INSL6: variants seen among roughly 807,000 people sequenced by gnomAD.
INSL6 encodes insulin like 6.
INSL6 carries 16 observed loss-of-function variants against 9.4 expected under a neutral mutation model. That is an observed-to-expected ratio of 1.70 (90% confidence interval 1.15 to 2.59). The LOEUF (loss-of-function observed/expected upper bound fraction) is 2.59. Ranked by LOEUF, INSL6 falls within the 30% of genes most tolerant of loss-of-function variation. The probability of loss-of-function intolerance (pLI) is 0.00; values close to 1 mark genes in which losing one functional copy is unlikely to be tolerated. For synonymous variants in INSL6, 154 were observed against 96.9 expected (o/e 1.59, Z -3.46); for missense variants, 391 against 257.3 (o/e 1.52, Z -3.56).
intron 2 of INSL6, among the ~76,000 whole-genome samples, chr9:5,138,752 T>C (rs901403897): frequency 1.1e-4 from 17 of 152,014 alleles, no homozygotes; most frequent in Non-Finnish European, 2.2e-4. Context: ...ATAAAAGTAC[T>C]GAATCCCACT....
chr9:5,073,092 A>T, the INSL6 span, among the ~76,000 whole-genome samples: 1 of 152,228 alleles, frequency 6.6e-6, no homozygotes, highest in Non-Finnish European at 1.5e-5. Context: ...GAACATAGCA[A>T]GATATGATAC....
chr9:5,044,301 A>T, the INSL6 span: 3 of 721,596 alleles, frequency 4.2e-6, no homozygotes, highest in Non-Finnish European at 7.2e-6. Flanking sequence ...TTTTCTAAGT[A>T]TGGGATAATA....
the INSL6 span, among the ~76,000 whole-genome samples, chr9:5,113,255 TAC>T: frequency 8.1e-6 from 1 of 124,018 alleles, no homozygotes; most frequent in African/African-American, 3.0e-5. Context: ...CAACAAAACA[TAC>T]ACTTTGTCAG....
At chr9:5,029,293 T>G in the INSL6 span, among the ~76,000 whole-genome samples, 1 of 152,174 alleles carries the variant, frequency 6.6e-6, no homozygotes, top group East Asian at 1.9e-4. Context: ...ACACAGCATT[T>G]GTTGCTTATG....
At chr9:5,034,904 C>G in the INSL6 span, among the ~76,000 whole-genome samples, 733 of 152,056 alleles carry the variant, frequency 4.8e-3, 8 homozygotes, top group African/African-American at 0.017. Flanking sequence ...AACTGAAGGA[C>G]ATAGAGAGAC....
chr9:5,085,821 C>T, the INSL6 span: 2 of 758,920 alleles, frequency 2.6e-6, no homozygotes, highest in Non-Finnish European at 4.9e-6. Context: ...AATAATTGAT[C>T]GAAAGGCTTT....
Position 5,163,882 on chromosome 9 carries a change from T to C in INSL6, c.*31A>G, listed in dbSNP as rs1372643207. 1 of 1,375,506 alleles carries C rather than the reference T, an allele frequency of 7.3e-7. No individual in the cohort carries two copies. Among genetic ancestry groups the C allele is most frequent in the Non-Finnish European group, 1.0e-6 (1 of 981,862 alleles). 85.2% of individuals were successfully genotyped at this position (1,375,506 alleles called of 1,614,324 possible). On this transcript the variant is annotated 3_prime_UTR_variant, in exon 2 of 2. Transcript: ENST00000381641. The stretch of plus-strand genomic sequence containing the variant: ...ATAGAGTTAAATAAATGTATTAAGC[T>C]TTTATTAGGTTAGAAAAAATTCTAA...
At chr9:5,096,174 C>A in the INSL6 span, among the ~76,000 whole-genome samples, 4 of 152,214 alleles carry the variant, frequency 2.6e-5, no homozygotes, top group East Asian at 7.7e-4. Flanking sequence ...AATGACAATT[C>A]AAAAACACAA....
At chr9:5,074,224 T>C in the INSL6 span, among the ~76,000 whole-genome samples, 1 of 152,146 alleles carries the variant, frequency 6.6e-6, no homozygotes, top group Non-Finnish European at 1.5e-5. Context: ...TTTGGCTAAA[T>C]TTAGGTGTTC....
chr9:5,136,030 T>G (rs563181898), intron 2 of INSL6, among the ~76,000 whole-genome samples: 1 of 151,826 alleles, frequency 6.6e-6, no homozygotes, highest in Non-Finnish European at 1.5e-5. Context: ...CTAGAAGAAA[T>G]AGATAAATTC....
At chr9:5,064,752 G>A in the INSL6 span, 12 of 580,226 alleles carry the variant, frequency 2.1e-5, no homozygotes, top group East Asian at 3.5e-4. Context: ...TTCATATTGA[G>A]TACTGAGCCA....
downstream of INSL6, among the ~76,000 whole-genome samples, chr9:5,122,278 G>A (rs572512365): frequency 6.6e-6 from 1 of 152,208 alleles, no homozygotes; most frequent in East Asian, 1.9e-4. Flanking sequence ...AGGCCAAAAC[G>A]TTCCCTTGGA....
At chr9:5,000,852 T>C in the INSL6 span, among the ~76,000 whole-genome samples, 1 of 152,192 alleles carries the variant, frequency 6.6e-6, no homozygotes, top group African/African-American at 2.4e-5. Context: ...AAGAACTTGA[T>C]AACGTATTGG....
the INSL6 span, among the ~76,000 whole-genome samples, chr9:5,062,969 TG>T: frequency 6.6e-6 from 1 of 152,184 alleles, no homozygotes; most frequent in Non-Finnish European, 1.5e-5. Flanking sequence ...TATATTCCTT[TG>T]TTATACATGT....
the INSL6 span, among the ~76,000 whole-genome samples, chr9:5,063,664 T>C: frequency 0.34 from 51,756 of 152,098 alleles, 9,402 homozygotes; most frequent in African/African-American, 0.48. Context: ...TGGTTAATCT[T>C]CTATATATTT....
chr9:5,111,178 C>G, the INSL6 span: 1 of 711,556 alleles, frequency 1.4e-6, no homozygotes, highest in East Asian at 3.4e-5. Context: ...CAGCCACTCT[C>G]CATTCACATT....
At chr9:5,042,555 C>T in the INSL6 span, among the ~76,000 whole-genome samples, 2 of 152,088 alleles carry the variant, frequency 1.3e-5, no homozygotes, top group Non-Finnish European at 2.9e-5. Flanking sequence ...CCCTCCATTA[C>T]TTTGCTGAAG....
downstream of INSL6, among the ~76,000 whole-genome samples, chr9:5,160,786 G>C (rs770499147): frequency 1.3e-5 from 2 of 152,064 alleles, no homozygotes; most frequent in Non-Finnish European, 2.9e-5. Context: ...AAATTAAAAG[G>C]ATCATTAGAG....
chr9:5,081,681 T>C, the INSL6 span: 1 of 1,416,908 alleles, frequency 7.1e-7, no homozygotes. Context: ...GTCCAGAGAA[T>C]GTTATTTGCT....
Sources: allele counts gnomAD v4.1 joint callset (sites outside exome capture counted in the v4.1 genomes callset), GRCh38; gene constraint gnomAD v4.1.1; transcripts MANE v1.5; gene names NCBI Gene and HGNC (gene_info 2026-07-23, HGNC 2026-07-21).